The following SLC15A1 variants were observed in gnomAD, a reference collection of about 807,000 sequenced individuals.
SLC15A1 encodes Caco-2 oligopeptide transporter.
Under a neutral mutation model 92.9 loss-of-function variants are expected in SLC15A1, and 83 were observed. That is an observed-to-expected ratio of 0.89 (90% CI 0.75 to 1.07). The LOEUF is 1.07. Ranked by LOEUF, SLC15A1 falls within the 50% of genes least tolerant of loss-of-function variation. The probability of loss-of-function intolerance (pLI) is 0.00; values close to 1 mark genes in which losing one functional copy is unlikely to be tolerated. For missense variants in SLC15A1, 857 were observed against 880.1 expected (o/e 0.97, Z 0.33); for synonymous variants, 322 against 318.2 (o/e 1.01, Z -0.13).
chr13:98,739,382 C>T (rs1939498753), intron 1 of SLC15A1, among the ~76,000 whole-genome samples: 1 of 152,154 alleles, frequency 6.6e-6, no homozygotes, highest in Non-Finnish European at 1.5e-5. Context: ...AGTTTGAATG[C>T]ATGTCCCTGC....
At chr13:98,702,979 A>G (rs1332094063) in intron 17 of SLC15A1, among the ~76,000 whole-genome samples, 5 of 150,022 alleles carry the variant, frequency 3.3e-5, no homozygotes, top group African/African-American at 1.2e-4. Flanking sequence ...AAAAAAAAAA[A>G]AAAAAAAAAA....
chr13:98,717,566 C>T (rs548152928), intron 8 of SLC15A1, among the ~76,000 whole-genome samples: 2 of 152,244 alleles, frequency 1.3e-5, no homozygotes, highest in East Asian at 3.9e-4. Flanking sequence ...TGGAAATGCT[C>T]TCTGTCTCCT....
At chr13:98,687,810 T>C in intron 20 of SLC15A1, 86 bp from the exon 21 acceptor site, 1 of 1,460,226 alleles carries the variant, frequency 6.8e-7, no homozygotes, top group Non-Finnish European at 9.4e-7. Context: ...TTTGACCTTC[T>C]AGGATTACAT....
intron 1 of SLC15A1, among the ~76,000 whole-genome samples, chr13:98,741,305 C>T (rs1190998784): frequency 2.6e-5 from 4 of 152,234 alleles, no homozygotes; most frequent in Non-Finnish European, 5.9e-5. Context: ...CTCAACTGCT[C>T]TTCATAGAAA....
intron 4 of SLC15A1, 22 bp from the exon 5 acceptor site, chr13:98,724,053 G>T: frequency 1.9e-6 from 3 of 1,613,306 alleles, no homozygotes; most frequent in South Asian, 2.2e-5. Flanking sequence ...AAGATTAAGA[G>T]AATCCGAGTT....
intron 1 of SLC15A1, among the ~76,000 whole-genome samples, chr13:98,730,565 C>A (rs1292011583): frequency 6.6e-6 from 1 of 152,190 alleles, no homozygotes; most frequent in East Asian, 1.9e-4. Context: ...GCGGGTGAGC[C>A]CATCTGTTTC....
At chr13:98,726,521 T>G (rs1033118369) in intron 2 of SLC15A1, 72 bp from the exon 3 acceptor site, 2 of 1,422,432 alleles carry the variant, frequency 1.4e-6, no homozygotes, top group Non-Finnish European at 2.0e-6. Context: ...GGAGCACCAG[T>G]GGCATGAAAG....
chr13:98,727,547 A>G (rs2088312364), intron 1 of SLC15A1, among the ~76,000 whole-genome samples: 1 of 152,214 alleles, frequency 6.6e-6, no homozygotes, highest in Non-Finnish European at 1.5e-5. Flanking sequence ...TGAGAAGAGC[A>G]GGAAGAAACA....
At chr13:98,747,638 T>C (rs1314720650) in intron 1 of SLC15A1, among the ~76,000 whole-genome samples, 1 of 152,186 alleles carries the variant, frequency 6.6e-6, no homozygotes, top group African/African-American at 2.4e-5. Context: ...CCCAGCACTT[T>C]GGGAGGCCAA....
At chr13:98,706,639 G>C (rs2088115165) in intron 15 of SLC15A1, among the ~76,000 whole-genome samples, 1 of 152,164 alleles carries the variant, frequency 6.6e-6, no homozygotes, top group Admixed American at 6.5e-5. Context: ...CCTTTCGCTT[G>C]GCTCTCTTTC....
intron 18 of SLC15A1, among the ~76,000 whole-genome samples, chr13:98,699,223 G>C (rs2088047803): frequency 6.6e-6 from 1 of 152,156 alleles, no homozygotes; most frequent in African/African-American, 2.4e-5. Flanking sequence ...TTTTGGGGGA[G>C]TGGGACTGGG....
intron 18 of SLC15A1, among the ~76,000 whole-genome samples, chr13:98,697,282 C>T (rs1183408383): frequency 6.6e-6 from 1 of 152,102 alleles, no homozygotes; most frequent in Non-Finnish European, 1.5e-5. Context: ...TCTTGAACTC[C>T]CGACCTCCTG....
chr13:98,726,721 C>T (rs1242614395), intron 2 of SLC15A1, 122 bp downstream of exon 2: 18 of 1,021,252 alleles, frequency 1.8e-5, no homozygotes, highest in Middle Eastern at 2.5e-4. Context: ...CATGGAAATC[C>T]GGGATCATAC....
rs369573921 is a variant in SLC15A1 at position 98,697,460 on chromosome 13, C to CAA, written c.1466+5018_1466+5019dup. ...GAAACAAAGAAGAGGAACGAAGGAA[C>CAA]AAAAAAAAAATGGAAGACCCTCTTG... On this transcript the variant is annotated intron_variant, in intron 18 of 22. Transcript: ENST00000376503. Among the ~76,000 whole-genome samples the CAA allele has an allele frequency of 1.1e-4, 16 of 145,142 alleles. 1 individual carries two copies. The East Asian group carries it at 3.2e-3, about 29-fold the overall frequency.
chr13:98,733,791 T>G (rs1386026159), intron 1 of SLC15A1, among the ~76,000 whole-genome samples: 1 of 152,220 alleles, frequency 6.6e-6, no homozygotes, highest in Non-Finnish European at 1.5e-5. Context: ...CTTCCATTTC[T>G]TCATCTGCGA....
chr13:98,689,911 G>A (rs146014153), intron 18 of SLC15A1, among the ~76,000 whole-genome samples: 107 of 152,270 alleles, frequency 7.0e-4, no homozygotes, highest in Non-Finnish European at 2.1e-4. Flanking sequence ...GTGAGGCTAC[G>A]CTTCATATGG....
At chr13:98,745,711 C>A (rs1302379061) in intron 1 of SLC15A1, among the ~76,000 whole-genome samples, 1 of 152,222 alleles carries the variant, frequency 6.6e-6, no homozygotes, top group East Asian at 1.9e-4. Flanking sequence ...GACCCCTTGA[C>A]TCTGGGCTCC....
chr13:98,750,096 A>G (rs774935071), intron 1 of SLC15A1, among the ~76,000 whole-genome samples: 18 of 151,566 alleles, frequency 1.2e-4, no homozygotes, highest in South Asian at 2.1e-4. Flanking sequence ...TTGGCTGTGC[A>G]TTGCCACACC....
At chr13:98,688,638 G>T in intron 18 of SLC15A1, 61 bp from the exon 19 acceptor site, 1 of 1,227,066 alleles carries the variant, frequency 8.1e-7, no homozygotes, top group Non-Finnish European at 1.2e-6. Context: ...CTAGGTCACA[G>T]TACATGCACC....
Sources: gnomAD v4.1 joint callset for allele counts (sites outside exome capture counted in the v4.1 genomes callset) on GRCh38, gnomAD v4.1.1 for gene constraint, MANE v1.5 for transcripts, NCBI Gene and HGNC (gene_info 2026-07-23, HGNC 2026-07-21) for gene names.